RABEP1: variants seen among roughly 807,000 people sequenced by gnomAD.
RABEP1 encodes rab GTPase-binding effector protein 1.
In RABEP1, 51 loss-of-function variants were observed where a neutral mutation model predicts 123.4. The ratio of observed to expected loss-of-function variants is 0.41; its 90% CI spans 0.33 to 0.52. RABEP1 has a LOEUF of 0.52. RABEP1 is among the 20% of genes least tolerant of loss of function. RABEP1 has a pLI of 0.16. For synonymous variants in RABEP1, 347 were observed against 355.2 expected, an observed-to-expected ratio of 0.98 and a Z score of 0.26; for missense variants, 888 against 996.3, an observed-to-expected ratio of 0.89 and a Z score of 1.46.
At chr17:5,358,059 T>C (rs1909183113) in intron 8 of RABEP1, among the ~76,000 whole-genome samples, 1 of 151,858 alleles carries the variant, frequency 6.6e-6, no homozygotes, top group Admixed American at 6.6e-5. Flanking sequence ...GGGATATGGG[T>C]TTGGGATTGA....
chr17:5,383,280 A>G lies in RABEP1; in HGVS notation c.*57A>G, dbSNP rs916438948. 3.1e-6 allele frequency: 4 copies of G among 1,308,768 alleles called. No individual in the cohort carries two copies. In the African/African-American group the frequency reaches 5.8e-5, roughly 19 times the overall value. 81.1% of individuals were successfully genotyped at this position (1,308,768 alleles called of 1,614,324 possible). ...TGGGTTTTTAACTCATCTTTAGAGC[A>G]ACAGTAATTATTATTTAACTCTTAA... On this transcript the variant is annotated 3_prime_UTR_variant, in exon 18 of 18. Coordinates refer to ENST00000537505, the MANE Select transcript of RABEP1 (RefSeq NM_004703.6).
In RABEP1 at chr17:5,346,781, T is replaced by C. The variant is rs1908101031; in HGVS notation, c.649-9T>C. The C allele has an allele frequency of 6.6e-7, 1 of 1,510,568 alleles. No individual in the cohort carries two copies. The highest frequency in any genetic ancestry group is 1.4e-5 in the African/African-American group (1 of 72,240). 93.6% of individuals were successfully genotyped at this position (1,510,568 alleles called of 1,614,324 possible). ...AATTTCAGTTTAATGGAATTGCATC[T>C]TCTTTCAGGTTAAAGAACTGAATCA... On this transcript the variant is annotated splice_polypyrimidine_tract_variant and intron_variant, in intron 5 of 17. Coordinates refer to ENST00000537505, the MANE Select transcript of RABEP1 (RefSeq NM_004703.6).
intron 1 of RABEP1, among the ~76,000 whole-genome samples, chr17:5,285,303 T>C (rs1428298275): frequency 6.6e-6 from 1 of 151,696 alleles, no homozygotes; most frequent in Non-Finnish European, 1.5e-5. Context: ...TTTTCTTTTT[T>C]TTTTTTTTCT....
rs373303867 is a variant in RABEP1 at position 5,352,471 on chromosome 17, G to C, written c.963+1842G>C. Among the ~76,000 whole-genome samples the C allele has an allele frequency of 5.3e-5, 8 of 151,782 alleles. No homozygotes were observed. The East Asian group carries it at 7.9e-4, about 15-fold the overall frequency. ...GCCTCCCAAAGTGCTGGGATTACAG[G>C]CATGAGCCACCATGCCCTGCTCTAA... On this transcript the variant is annotated intron_variant, in intron 7 of 17. Coordinates refer to ENST00000537505, the MANE Select transcript of RABEP1 (RefSeq NM_004703.6).
rs763311520 is a variant in RABEP1 at position 5,377,182 on chromosome 17, G to A, written c.2092G>A (p.Val698Ile). The A allele has an allele frequency of 1.4e-5, 23 of 1,613,178 alleles. 1 individual carries two copies. Among genetic ancestry groups the A allele is most frequent in the Admixed American group, 1.2e-4 (7 of 59,718 alleles). Residue 698 changes from valine to isoleucine, a missense_variant, in exon 14 of 18, where the codon GTA (valine) becomes ATA (isoleucine). Physicochemically the swap from Val to Ile is conservative, Grantham distance 29. Coordinates refer to ENST00000537505, the MANE Select transcript of RABEP1 (RefSeq NM_004703.6). ...IINVRTAADHVEEKLKAEILF... is the reference protein window; with the variant it reads ...IINVRTAADHIEEKLKAEILF... ...TAATGTGCGGACAGCAGCAGACCAC[G>A]TAGAAGAAAAGCTGAAGGCTGAGAT... is the stretch of plus-strand genomic sequence containing the variant.
chr17:5,333,688 C>G (rs1906777754), intron 3 of RABEP1, among the ~76,000 whole-genome samples: 1 of 152,076 alleles, frequency 6.6e-6, no homozygotes, highest in Admixed American at 6.6e-5. Flanking sequence ...ACACGAAATC[C>G]AAAGGTAGAT....
intron 13 of RABEP1, among the ~76,000 whole-genome samples, chr17:5,374,930 C>T (rs940670173): frequency 6.6e-6 from 1 of 152,186 alleles, no homozygotes; most frequent in Admixed American, 6.5e-5. Flanking sequence ...GCATCAGCCA[C>T]CGCACCTGGC....
At chr17:5,375,653 C>G (rs1033657742) in intron 13 of RABEP1, among the ~76,000 whole-genome samples, 1 of 151,740 alleles carries the variant, frequency 6.6e-6, no homozygotes, top group East Asian at 1.9e-4. Context: ...CTGCAGTGAG[C>G]TGAGATCGCG....
chr17:5,367,446 T>G (rs1041628977), intron 11 of RABEP1, among the ~76,000 whole-genome samples: 1 of 151,788 alleles, frequency 6.6e-6, no homozygotes, highest in Non-Finnish European at 1.5e-5. Context: ...TAATTTTTTA[T>G]TTTTAGTAGA....
At position 5,386,285 on chromosome 17, in the gene RABEP1, GTCAC is replaced by G. The variant is rs376187528; in HGVS notation, c.*3068_*3071del. On this transcript the variant is annotated 3_prime_UTR_variant, in exon 18 of 18. Coordinates refer to ENST00000537505, the MANE Select transcript of RABEP1 (RefSeq NM_004703.6). ...ATGTTCACCCCTGTAAAATTGTAAA[GTCAC>G]TCACTTTTGGAATTATAATAAACCA... 5.7e-6 allele frequency: 9 copies of G among 1,582,872 alleles called. No homozygotes were observed. In the East Asian group the frequency reaches 2.0e-4, roughly 35 times the overall value.
rs1386296225 is a variant in RABEP1, at chr17:5,380,660, G to A, written c.2370+198G>A. The stretch of plus-strand genomic sequence containing the variant: ...GGTTAAATCTTTTCTGCCAGGTCTG[G>A]AGGCCTGCGTCATAGGCTAGCTTCA... On this transcript the variant is annotated intron_variant, in intron 16 of 17. Transcript: ENST00000537505. The A allele has an allele frequency of 8.4e-6, 5 of 595,242 alleles. No homozygotes were observed. In the Admixed American group the frequency reaches 1.1e-4, roughly 14 times the overall value. The allele number at this position is 595,242 out of a possible 1,614,324, so 36.9% of individuals were successfully genotyped here. A position where few individuals can be genotyped will look rare whatever the true frequency, so the allele number is the denominator to read the frequency against.
intron 1 of RABEP1, among the ~76,000 whole-genome samples, chr17:5,284,694 G>A (rs2144421422): frequency 6.6e-6 from 1 of 152,018 alleles, no homozygotes; most frequent in East Asian, 1.9e-4. Context: ...CCAAACTCCT[G>A]AACTCAAGGG....
intron 12 of RABEP1, among the ~76,000 whole-genome samples, chr17:5,370,259 G>A (rs1365567195): frequency 6.6e-6 from 1 of 152,126 alleles, no homozygotes; most frequent in Non-Finnish European, 1.5e-5. Context: ...CTTGGTTTGT[G>A]TTTTTTGCTG....
At chr17:5,339,082 G>A (rs565722443) in intron 5 of RABEP1, among the ~76,000 whole-genome samples, 3 of 151,678 alleles carry the variant, frequency 2.0e-5, no homozygotes, top group Non-Finnish European at 2.9e-5. Context: ...ACTTCAGCCC[G>A]GGAGTTTGAG....
At chr17:5,329,019 C>CTTTTTTTTTTTTT (rs760060600) in intron 2 of RABEP1, among the ~76,000 whole-genome samples, 2 of 110,660 alleles carry the variant, frequency 1.8e-5, no homozygotes, top group Admixed American at 1.0e-4. Flanking sequence ...TTCAGAAAGA[C>CTTTTTTTTTTTTT]TTTTTTTTTT....
chr17:5,323,677 GATAT>G (rs36055386), intron 2 of RABEP1, among the ~76,000 whole-genome samples: 1 of 96,744 alleles, frequency 1.0e-5, no homozygotes, highest in Non-Finnish European at 2.0e-5. Flanking sequence ...TTTCATTGGT[GATAT>G]ATATATATAT....
At position 5,361,249 on chromosome 17, in the gene RABEP1, T is replaced by G. The variant is rs1378270406; in HGVS notation, c.1137T>G (p.Asp379Glu). ...CCCGTGGCTCAGTTCATTCCTTAGA[T>G]GCAGGCTTGCTGTTGCCATCTGGAG... ...DSTRGSVHSL[D>E]AGLLLPSGDP... The change falls in exon 9 of 18, where the codon GAT becomes GAG. Residue 379 changes from aspartate (D) to glutamate (E), a missense_variant. Physicochemically the swap from Asp to Glu is conservative, Grantham distance 45. Coordinates refer to ENST00000537505, the MANE Select transcript of RABEP1 (RefSeq NM_004703.6). 1.9e-6 allele frequency: 3 copies of G among 1,614,206 alleles called. No homozygotes were observed. Among genetic ancestry groups the G allele is most frequent in the Non-Finnish European group, 1.7e-6 (2 of 1,180,032 alleles).
chr17:5,372,407 C>T (rs1910592605), intron 12 of RABEP1, among the ~76,000 whole-genome samples: 1 of 152,126 alleles, frequency 6.6e-6, no homozygotes, highest in Non-Finnish European at 1.5e-5. Flanking sequence ...GCCGAGATCA[C>T]ACCACTGCAT....
chr17:5,350,923 C>T (rs1179201213), intron 7 of RABEP1, among the ~76,000 whole-genome samples: 1 of 152,174 alleles, frequency 6.6e-6, no homozygotes, highest in African/African-American at 2.4e-5. Flanking sequence ...ACCAGTTCTC[C>T]CAGGCCAAGT....
Sources: gnomAD v4.1 joint callset for allele counts (sites outside exome capture counted in the v4.1 genomes callset) on GRCh38, gnomAD v4.1.1 for gene constraint, MANE v1.5 for transcripts, NCBI Gene and HGNC (gene_info 2026-07-23, HGNC 2026-07-21) for gene names.